GABRB2: variants seen among roughly 807,000 people sequenced by gnomAD.
GABRB2 encodes the protein gamma-aminobutyric acid type A receptor subunit beta2.
A neutral mutation model predicts 54.7 loss-of-function variants in GABRB2; 16 were observed. That is an observed-to-expected ratio of 0.29 (90% CI 0.20 to 0.44). The LOEUF (loss-of-function observed/expected upper bound fraction) is 0.44. Among genes scored for constraint, GABRB2 ranks in the 20% least tolerant of loss-of-function variants. The pLI is 1.00. For synonymous variants in GABRB2, 244 were observed against 233.8 expected (o/e 1.04, Z -0.40); for missense variants, 355 against 644.0 (o/e 0.55, Z 4.86).
intron 3 of GABRB2, among the ~76,000 whole-genome samples, chr5:161,505,986 G>T (rs1759594463): frequency 6.6e-6 from 1 of 152,046 alleles, no homozygotes; most frequent in African/African-American, 2.4e-5. Context: ...ACAAAGATTA[G>T]AAAAGAAGAT....
rs2113331295 is a variant in GABRB2, at chr5:161,292,952, T to C, written c.*1129A>G. ...ATCCTTTAAAGTGATGAACAAATCCTTCTCTTGAAATACTCTATTAAATTA... is the reference window on the plus strand; with the variant it reads ...ATCCTTTAAAGTGATGAACAAATCCCTCTCTTGAAATACTCTATTAAATTA... On this transcript the variant is annotated 3_prime_UTR_variant, in exon 10 of 10. Coordinates refer to ENST00000393959, the MANE Select transcript of GABRB2 (RefSeq NM_001371727.1). 6.6e-6 allele frequency: 1 copy of C among 152,298 alleles called. No individual in the cohort carries two copies. The highest frequency in any genetic ancestry group is 2.1e-4 in the South Asian group (1 of 4,822). 9.4% of individuals were successfully genotyped at this position (152,298 alleles called of 1,614,324 possible). A position where few individuals can be genotyped will look rare whatever the true frequency, so the allele number is the denominator to read the frequency against.
chr5:161,511,659 C>G (rs1759771525), intron 3 of GABRB2, among the ~76,000 whole-genome samples: 1 of 151,958 alleles, frequency 6.6e-6, no homozygotes, highest in Non-Finnish European at 1.5e-5. Context: ...GTTCTGGAGG[C>G]AAGAAGCTCA....
intron 3 of GABRB2, among the ~76,000 whole-genome samples, chr5:161,526,173 T>A (rs1028736182): frequency 6.6e-6 from 1 of 151,466 alleles, no homozygotes; most frequent in Non-Finnish European, 1.5e-5. Flanking sequence ...CATGCACAAC[T>A]AAACCATTCT....
chr5:161,488,054 T>A (rs1399036921), intron 3 of GABRB2, among the ~76,000 whole-genome samples: 1 of 151,712 alleles, frequency 6.6e-6, no homozygotes, highest in Non-Finnish European at 1.5e-5. Flanking sequence ...ACAAGAATAA[T>A]TGATCAGGTG....
At chr5:161,477,665 A>G (rs1397119375) in intron 3 of GABRB2, among the ~76,000 whole-genome samples, 6 of 151,976 alleles carry the variant, frequency 3.9e-5, no homozygotes, top group Non-Finnish European at 7.4e-5. Context: ...TATGACATGG[A>G]TGAACATTGA....
chr5:161,398,666 G>T (rs1013769652), intron 5 of GABRB2, among the ~76,000 whole-genome samples: 1 of 139,538 alleles, frequency 7.2e-6, no homozygotes, highest in Non-Finnish European at 1.5e-5. Flanking sequence ...TTGTTTGTTT[G>T]TCTGTTTTTT....
chr5:161,295,455 T>C (rs544695714), intron 9 of GABRB2, among the ~76,000 whole-genome samples: 9 of 152,190 alleles, frequency 5.9e-5, no homozygotes, highest in Non-Finnish European at 1.2e-4. Flanking sequence ...CAAGTTTTCA[T>C]TAATAAGAGT....
intron 5 of GABRB2, among the ~76,000 whole-genome samples, chr5:161,388,135 G>T (rs1401849593): frequency 1.3e-5 from 2 of 152,106 alleles, no homozygotes; most frequent in East Asian, 1.9e-4. Flanking sequence ...GGGAAGATTT[G>T]AGAGTAGAAA....
chr5:161,473,993 C>T (rs1019512972), intron 3 of GABRB2, among the ~76,000 whole-genome samples: 2 of 151,898 alleles, frequency 1.3e-5, no homozygotes, highest in South Asian at 2.1e-4. Flanking sequence ...GAAGAAGTAA[C>T]CTCTGAGGAG....
At chr5:161,509,384 T>C (rs1476273257) in intron 3 of GABRB2, among the ~76,000 whole-genome samples, 2 of 151,692 alleles carry the variant, frequency 1.3e-5, no homozygotes, top group African/African-American at 4.8e-5. Flanking sequence ...TTTTAGCACT[T>C]CCCACATTGG....
At chr5:161,460,426 G>T (rs1758088847) in intron 3 of GABRB2, among the ~76,000 whole-genome samples, 1 of 152,180 alleles carries the variant, frequency 6.6e-6, no homozygotes, top group South Asian at 2.1e-4. Flanking sequence ...GAATACAGAA[G>T]TGAAGAGAAT....
chr5:161,329,574 A>C (rs975968645), intron 8 of GABRB2: 1 of 152,242 alleles, frequency 6.6e-6, no homozygotes, highest in Non-Finnish European at 1.5e-5. Flanking sequence ...AGAAGCTTCC[A>C]TATGGTTTGC....
At chr5:161,346,685 T>C (rs887979331) in intron 5 of GABRB2, among the ~76,000 whole-genome samples, 9 of 152,112 alleles carry the variant, frequency 5.9e-5, no homozygotes, top group African/African-American at 1.4e-4. Context: ...TATTAGTCTG[T>C]AATATGTACT....
At chr5:161,449,824 C>T (rs1167712115) in intron 4 of GABRB2, among the ~76,000 whole-genome samples, 2 of 151,852 alleles carry the variant, frequency 1.3e-5, no homozygotes, top group African/African-American at 2.4e-5. Context: ...TAAACATCTA[C>T]TGGGAAATAC....
At chr5:161,423,816 C>T (rs1483357531) in intron 4 of GABRB2, among the ~76,000 whole-genome samples, 1 of 152,056 alleles carries the variant, frequency 6.6e-6, no homozygotes, top group African/African-American at 2.4e-5. Context: ...CCTCTTGTGC[C>T]ACAAAGCCAT....
At chr5:161,491,969 C>T (rs1759101781) in intron 3 of GABRB2, among the ~76,000 whole-genome samples, 1 of 151,448 alleles carries the variant, frequency 6.6e-6, no homozygotes, top group South Asian at 2.1e-4. Flanking sequence ...AAAGAATGTG[C>T]TATGGAGGGT....
chr5:161,345,964 T>C (rs1015653437), intron 5 of GABRB2, among the ~76,000 whole-genome samples: 23 of 152,106 alleles, frequency 1.5e-4, no homozygotes, highest in African/African-American at 4.8e-4. Flanking sequence ...TCTGAGAATA[T>C]AGTGATGAGC....
chr5:161,331,971 C>T, intron 7 of GABRB2, among the ~76,000 whole-genome samples: 1 of 151,790 alleles, frequency 6.6e-6, no homozygotes, highest in Non-Finnish European at 1.5e-5. Context: ...CGAGACCATC[C>T]TGGCTAACAC....
chr5:161,438,432 A>AGAC (rs1176168338), intron 4 of GABRB2, among the ~76,000 whole-genome samples: 1 of 152,156 alleles, frequency 6.6e-6, no homozygotes, highest in East Asian at 1.9e-4. Context: ...AGACAGCTAC[A>AGAC]AATAAGTCCA....
Sources: gnomAD v4.1 joint callset for allele counts (sites outside exome capture counted in the v4.1 genomes callset) on GRCh38, gnomAD v4.1.1 for gene constraint, MANE v1.5 for transcripts, NCBI Gene and HGNC (gene_info 2026-07-23, HGNC 2026-07-21) for gene names.